Variants in PTHLH observed in about 807,000 individuals in gnomAD.
The protein encoded by PTHLH is parathyroid hormone-related protein.
A neutral mutation model predicts 18.6 loss-of-function variants in PTHLH; 5 were observed. That is an observed-to-expected ratio of 0.27 (90% CI 0.14 to 0.56). The LOEUF is 0.56. Ranked by LOEUF, PTHLH falls within the 20% of genes least tolerant of loss-of-function variation. PTHLH has a pLI of 0.92. For missense variants in PTHLH, 207 were observed against 223.9 expected (o/e 0.92, Z 0.48); for synonymous variants, 90 against 94.0 (o/e 0.96, Z 0.25).
intron 3 of PTHLH, 43 bp downstream of exon 3, chr12:27,969,982 C>A (rs1293109717): frequency 1.9e-6 from 1 of 519,146 alleles, no homozygotes; most frequent in Non-Finnish European, 3.8e-6. Context: ...TCCAGAGCCA[C>A]TTGTAGCGAA....
Position 27,972,716 on chromosome 12 carries a change from C to G in PTHLH, c.-552G>C, listed in dbSNP as rs1443579604. Reference sequence around the variant, plus strand: ...ATTATTAGAAAGCAGGTACCTCTTCCAAGCTGCCCTGTTTATTACTTTCCG... The same window carrying G: ...ATTATTAGAAAGCAGGTACCTCTTCGAAGCTGCCCTGTTTATTACTTTCCG... On this transcript the variant is annotated 5_prime_UTR_variant, in exon 1 of 6. Coordinates refer to ENST00000545234, the MANE Select transcript of PTHLH (RefSeq NM_198965.2). 3.9e-5 allele frequency: 6 copies of G among 152,190 alleles called. No individual in the cohort carries two copies. Among genetic ancestry groups the G allele is most frequent in the Non-Finnish European group, 5.9e-5 (4 of 68,028 alleles). The allele number at this position is 152,190 out of a possible 1,614,324, so 9.4% of individuals were successfully genotyped here.
intron 4 of PTHLH, among the ~76,000 whole-genome samples, chr12:27,965,549 CT>C (rs969553772): frequency 6.6e-6 from 1 of 152,176 alleles, no homozygotes; most frequent in Non-Finnish European, 1.5e-5. Flanking sequence ...TTCTCTGGCC[CT>C]TCTAGCTAGA....
chr12:27,971,024 C>T (rs2062867785), intron 2 of PTHLH, among the ~76,000 whole-genome samples: 2 of 152,106 alleles, frequency 1.3e-5, no homozygotes, highest in South Asian at 2.1e-4. Context: ...AAAACCCGCG[C>T]ACAGGAGAGA....
At chr12:27,970,736 G>GAGCT (rs2062864915) in intron 2 of PTHLH, among the ~76,000 whole-genome samples, 2 of 152,102 alleles carry the variant, frequency 1.3e-5, no homozygotes, top group Non-Finnish European at 2.9e-5. Flanking sequence ...GGAGGCCAAG[G>GAGCT]AGCTGGGCCG....
chr12:27,962,237 T>TAGAC (rs1443477101), intron 5 of PTHLH: 1 of 297,138 alleles, frequency 3.4e-6, no homozygotes, highest in Non-Finnish European at 6.1e-6. Context: ...CCCCCCTAGA[T>TAGAC]AGATAGATAG....
intron 1 of PTHLH, among the ~76,000 whole-genome samples, 180 bp from the exon 2 acceptor site, chr12:27,972,199 A>G (rs962391278): frequency 6.6e-6 from 1 of 152,224 alleles, no homozygotes; most frequent in South Asian, 2.1e-4. Context: ...ATAGAAGGTT[A>G]AAACAAAAAT....
At chr12:27,963,893 G>T in intron 4 of PTHLH, 123 bp from the exon 5 acceptor site, 2 of 986,182 alleles carry the variant, frequency 2.0e-6, no homozygotes, top group Non-Finnish European at 3.0e-6. Flanking sequence ...CAAGCTGGAT[G>T]GGTAGCAAGC....
At position 27,962,303 on chromosome 12, in the gene PTHLH, G is replaced by C. The variant is rs149780985; in HGVS notation, c.524+1045C>G. On this transcript the variant is annotated intron_variant, in intron 5 of 5. Transcript: ENST00000545234. ...TAGGTAGATGGTACAATCAGAACTAGTTCCAAAAACACCAAAATAATATGT... is the reference window on the plus strand; with the variant it reads ...TAGGTAGATGGTACAATCAGAACTACTTCCAAAAACACCAAAATAATATGT... The C allele has an allele frequency of 1.9e-5, 4 of 210,160 alleles. No homozygotes were observed. In the East Asian group the frequency reaches 4.1e-4, roughly 22 times the overall value. 13.0% of individuals were successfully genotyped at this position (210,160 alleles called of 1,614,324 possible).
chr12:27,964,754 G>A (rs1297163603), intron 4 of PTHLH, among the ~76,000 whole-genome samples: 10 of 152,262 alleles, frequency 6.6e-5, no homozygotes, highest in East Asian at 5.8e-4. Flanking sequence ...TGAAAATATC[G>A]TGAGAAAGAA....
chr12:27,964,101 C>T (rs2062786762), intron 4 of PTHLH, among the ~76,000 whole-genome samples: 1 of 152,168 alleles, frequency 6.6e-6, no homozygotes. Flanking sequence ...CGGTTTAAAA[C>T]ATATGATTCA....
At chr12:27,963,209 T>A (rs2062776852) in intron 5 of PTHLH, 139 bp downstream of exon 5, 1 of 1,540,146 alleles carries the variant, frequency 6.5e-7, no homozygotes, top group Non-Finnish European at 8.7e-7. Context: ...TCTGAGTTAT[T>A]CTCTGTCAAT....
Position 27,963,374 on chromosome 12 carries a change from G to A in PTHLH, c.498C>T (p.Ser166=). Residue 166 remains serine (S), a synonymous_variant, in exon 5 of 6, where the codon TCC becomes TCT. Coordinates refer to ENST00000545234, the MANE Select transcript of PTHLH (RefSeq NM_198965.2). ...GTGAATCGAGCTCCAGCGACGTTGT[G>A]GAGGTGTCAGACAGGTGGTCCCCTT... ...GLEGDHLSDT[S]TTSLELDSRR... is the part of the protein sequence containing the mutation. 1 of 1,614,224 alleles carries A rather than the reference G, an allele frequency of 6.2e-7. No individual in the cohort carries two copies. The highest frequency in any genetic ancestry group is 2.2e-5 in the East Asian group (1 of 44,888).
chr12:27,967,253 C>G (rs561214094), intron 4 of PTHLH, among the ~76,000 whole-genome samples: 21 of 152,190 alleles, frequency 1.4e-4, no homozygotes, highest in Non-Finnish European at 2.1e-4. Context: ...TGATCATGCT[C>G]TAGCTCCATT....
intron 4 of PTHLH, among the ~76,000 whole-genome samples, chr12:27,968,225 T>C (rs2062834535): frequency 1.3e-5 from 2 of 152,232 alleles, no homozygotes; most frequent in Admixed American, 1.3e-4. Flanking sequence ...GATTTTCATT[T>C]TGATGCCAAG....
chr12:27,963,119 A>G, intron 5 of PTHLH: 2 of 1,417,754 alleles, frequency 1.4e-6, no homozygotes, highest in Non-Finnish European at 1.8e-6. Flanking sequence ...AGAAAGAGGA[A>G]TGGGCTCTAG....
intron 5 of PTHLH, chr12:27,962,889 G>GT: frequency 9.7e-7 from 1 of 1,026,318 alleles, no homozygotes; most frequent in Non-Finnish European, 1.2e-6. Context: ...ACATGATGCT[G>GT]TTCTGCAGTG....
chr12:27,962,840 A>C (rs1275351661), intron 5 of PTHLH: 1 of 975,676 alleles, frequency 1.0e-6, no homozygotes, highest in Non-Finnish European at 1.2e-6. Flanking sequence ...AAATACATTT[A>C]ATTAAATAAA....
chr12:27,962,742 C>G (rs2062772710), intron 5 of PTHLH: 2 of 980,504 alleles, frequency 2.0e-6, no homozygotes, highest in Non-Finnish European at 2.4e-6. Context: ...TGGTAGAAAC[C>G]AGAGTTAAAT....
chr12:27,966,817 GT>G (rs2062818392), intron 4 of PTHLH, among the ~76,000 whole-genome samples: 1 of 152,148 alleles, frequency 6.6e-6, no homozygotes, highest in African/African-American at 2.4e-5. Context: ...CTCCAAGGGA[GT>G]TTTTAGGGAA....
Sources: allele counts gnomAD v4.1 joint callset (sites outside exome capture counted in the v4.1 genomes callset), GRCh38; gene constraint gnomAD v4.1.1; transcripts MANE v1.5; gene names NCBI Gene and HGNC (gene_info 2026-07-23, HGNC 2026-07-21).